The following MYO3A variants were observed in gnomAD, a reference collection of about 807,000 sequenced individuals.
MYO3A encodes myosin IIIA.
MYO3A carries 180 observed loss-of-function variants against 192.7 expected under a neutral mutation model. The ratio of observed to expected loss-of-function variants is 0.93; its 90% CI spans 0.83 to 1.06. The LOEUF (loss-of-function observed/expected upper bound fraction) is 1.06. Among genes scored for constraint, MYO3A ranks in the 50% least tolerant of loss-of-function variants. MYO3A has a pLI of 0.00. For missense variants in MYO3A, 1,896 were observed against 1,905.0 expected (o/e 1.00, Z 0.09); for synonymous variants, 628 against 645.3 (o/e 0.97, Z 0.41).
intron 15 of MYO3A, among the ~76,000 whole-genome samples, chr10:26,088,867 T>G (rs1321999546): frequency 6.6e-6 from 1 of 152,254 alleles, no homozygotes; most frequent in Non-Finnish European, 1.5e-5. Context: ...ATTGACCTTT[T>G]ATTGCTGGCT....
At chr10:26,099,667 A>T (rs1837304979) in intron 17 of MYO3A, among the ~76,000 whole-genome samples, 1 of 152,170 alleles carries the variant, frequency 6.6e-6, no homozygotes, top group Non-Finnish European at 1.5e-5. Context: ...TATTGAGATA[A>T]TCATGTGGTT....
chr10:26,078,531 A>G (rs1361911314), intron 14 of MYO3A, among the ~76,000 whole-genome samples: 5 of 150,308 alleles, frequency 3.3e-5, no homozygotes, highest in Non-Finnish European at 7.4e-5. Context: ...GATCTTGGTT[A>G]TTTCCTTTCT....
At chr10:26,080,592 G>C (rs955139252) in intron 14 of MYO3A, among the ~76,000 whole-genome samples, 2 of 143,174 alleles carry the variant, frequency 1.4e-5, no homozygotes, top group African/African-American at 2.5e-5. Context: ...AATTTTTTTG[G>C]GGGGAGGCGG....
At chr10:25,947,565 G>T (rs1415381232) in intron 2 of MYO3A, among the ~76,000 whole-genome samples, 1 of 151,608 alleles carries the variant, frequency 6.6e-6, no homozygotes, top group Non-Finnish European at 1.5e-5. Context: ...GGCTAATTTT[G>T]TATTTTTAGT....
intron 26 of MYO3A, among the ~76,000 whole-genome samples, chr10:26,161,916 G>A (rs148534747): frequency 8.5e-4 from 129 of 152,216 alleles, no homozygotes; most frequent in African/African-American, 3.0e-3. Context: ...TTCAGCAAAC[G>A]TTTAGTTGAG....
intron 3 of MYO3A, among the ~76,000 whole-genome samples, chr10:25,952,526 C>T (rs561142905): frequency 6.6e-6 from 1 of 152,102 alleles, no homozygotes. Context: ...TCTCAACCGA[C>T]GATATTATTA....
At chr10:25,955,552 C>G (rs758093516) in intron 4 of MYO3A, among the ~76,000 whole-genome samples, 1 of 152,142 alleles carries the variant, frequency 6.6e-6, no homozygotes, top group Non-Finnish European at 1.5e-5. Context: ...AGTGTCTGCC[C>G]TTTCCAATCC....
intron 22 of MYO3A, 146 bp from the exon 23 acceptor site, chr10:26,147,284 G>A (rs1368299053): frequency 2.6e-6 from 2 of 775,216 alleles, no homozygotes; most frequent in Non-Finnish European, 4.4e-6. Flanking sequence ...AGATGATAAG[G>A]GGCTACCTTA....
At chr10:26,021,268 A>G (rs1842285601) in intron 7 of MYO3A, among the ~76,000 whole-genome samples, 1 of 152,084 alleles carries the variant, frequency 6.6e-6, no homozygotes, top group Admixed American at 6.6e-5. Context: ...AATATTTTTC[A>G]TAGGCTTCTT....
intron 14 of MYO3A, among the ~76,000 whole-genome samples, chr10:26,075,592 TATATATATGTCTCTCTCATATATATATG>T (rs1835484062): frequency 7.4e-6 from 1 of 134,344 alleles, no homozygotes; most frequent in Non-Finnish European, 1.6e-5. Context: ...ATATATATGA[TATATATATGTCTCTCTCATATATATATG>T]ATATATATGT....
intron 4 of MYO3A, among the ~76,000 whole-genome samples, chr10:25,970,382 A>G (rs899243077): frequency 2.6e-5 from 4 of 152,040 alleles, no homozygotes; most frequent in African/African-American, 7.2e-5. Context: ...AAAGTGTGAA[A>G]ATATTTTGAA....
intron 15 of MYO3A, among the ~76,000 whole-genome samples, chr10:26,089,460 G>T (rs945927989): frequency 1.6e-4 from 25 of 152,104 alleles, no homozygotes; most frequent in African/African-American, 6.0e-4. Context: ...AATTAGCCGG[G>T]CGTGGTGGTG....
intron 17 of MYO3A, among the ~76,000 whole-genome samples, chr10:26,115,636 A>C (rs72787357): frequency 5.3e-4 from 80 of 152,310 alleles, no homozygotes; most frequent in Non-Finnish European, 1.0e-3. Flanking sequence ...ATAACTTTAC[A>C]TTGCCCTAAA....
At chr10:26,198,920 A>C (rs1172621404) in intron 32 of MYO3A, among the ~76,000 whole-genome samples, 1 of 152,218 alleles carries the variant, frequency 6.6e-6, no homozygotes, top group Non-Finnish European at 1.5e-5. Context: ...GTAATTTCAA[A>C]ACTATAATTG....
intron 4 of MYO3A, among the ~76,000 whole-genome samples, chr10:25,981,465 T>C (rs1377648111): frequency 6.6e-6 from 1 of 152,218 alleles, no homozygotes; most frequent in African/African-American, 2.4e-5. Context: ...ATTTAGAGCT[T>C]CTGCTCTTCA....
chr10:26,028,593 T>A (rs1842666264), intron 10 of MYO3A, among the ~76,000 whole-genome samples: 1 of 152,116 alleles, frequency 6.6e-6, no homozygotes, highest in African/African-American at 2.4e-5. Flanking sequence ...TAAACAGAAA[T>A]TGAAGTGTAT....
rs185401457 is a variant in MYO3A, at chr10:26,076,172, T to G, written c.1359+5771T>G. On this transcript the variant is annotated intron_variant, in intron 14 of 34. Coordinates refer to ENST00000642920, the MANE Select transcript of MYO3A (RefSeq NM_017433.5). ...ACACCAACATCTGCTGTTTTTTGAT[T>G]TTTTGGTTATGGTCATTCTTGCAGG... Among the ~76,000 whole-genome samples, 8 of 152,188 alleles carry G rather than the reference T, an allele frequency of 5.3e-5. No individual in the cohort carries two copies. The East Asian group carries it at 5.8e-4, about 11-fold the overall frequency.
In MYO3A at chr10:26,173,672, C is replaced by T. The variant is rs61731629; in HGVS notation, c.3408C>T (p.Phe1136=). ...KKNFENTRES[F]VKKQAENAIS... ...AATATATTTTACACAGGGAATCTTT[C>T]GTGAAGAAACAAGCAGAAAATGCAA... is the stretch of plus-strand genomic sequence containing the variant. The change falls in exon 30 of 35, where the codon TTC becomes TTT. Residue 1136 remains phenylalanine, a synonymous_variant. Transcript: ENST00000642920. 1.1e-3 allele frequency: 1,747 copies of T among 1,612,948 alleles called. 27 individuals carry two copies. The African/African-American group carries it at 0.021, about 19-fold the overall frequency.
At chr10:25,942,636 T>A (rs1836572689) in intron 2 of MYO3A, among the ~76,000 whole-genome samples, 1 of 152,186 alleles carries the variant, frequency 6.6e-6, no homozygotes, top group African/African-American at 2.4e-5. Flanking sequence ...AATAATAACT[T>A]CTAATGAGCA....
Sources: gnomAD v4.1 joint callset for allele counts (sites outside exome capture counted in the v4.1 genomes callset) on GRCh38, gnomAD v4.1.1 for gene constraint, MANE v1.5 for transcripts, NCBI Gene and HGNC (gene_info 2026-07-23, HGNC 2026-07-21) for gene names.